PTPRD: variants seen among roughly 807,000 people sequenced by gnomAD.
PTPRD encodes the protein receptor-type tyrosine-protein phosphatase delta.
A neutral mutation model predicts 214.5 loss-of-function variants in PTPRD; 34 were observed. The observed-to-expected ratio is 0.16, with a 90% CI of 0.12 to 0.21. The LOEUF is 0.21. PTPRD is among the 10% of genes least tolerant of loss of function. The pLI, the probability that PTPRD is intolerant of heterozygous loss-of-function variation, is 1.00. For missense variants in PTPRD, 2,545 were observed against 2,398.7 expected, an observed-to-expected ratio of 1.06 and a Z score of -1.27; for synonymous variants, 1,128 against 845.7, an observed-to-expected ratio of 1.33 and a Z score of -5.79.
At chr9:9,332,890 T>G (rs1439071622) in intron 9 of PTPRD, among the ~76,000 whole-genome samples, 1 of 152,030 alleles carries the variant, frequency 6.6e-6, no homozygotes, top group Non-Finnish European at 1.5e-5. Flanking sequence ...CCAGAAAGAA[T>G]GCTAACATTA....
chr9:10,378,879 T>G (rs1035280074), intron 2 of PTPRD, among the ~76,000 whole-genome samples: 2 of 152,012 alleles, frequency 1.3e-5, no homozygotes, highest in African/African-American at 2.4e-5. Flanking sequence ...TAATAGGGAT[T>G]GTATTGAATC....
At chr9:10,131,017 A>G (rs1025298736) in intron 3 of PTPRD, among the ~76,000 whole-genome samples, 2 of 152,176 alleles carry the variant, frequency 1.3e-5, no homozygotes, top group African/African-American at 4.8e-5. Flanking sequence ...GCAAGATAAA[A>G]GAAGTATAAG....
chr9:9,618,939 G>C (rs1018949414), intron 7 of PTPRD, among the ~76,000 whole-genome samples: 3 of 152,052 alleles, frequency 2.0e-5, no homozygotes, highest in Non-Finnish European at 4.4e-5. Context: ...GAGAATAAAT[G>C]TCCCAAGACA....
At chr9:9,124,232 A>G (rs1393476028) in intron 10 of PTPRD, among the ~76,000 whole-genome samples, 2 of 152,172 alleles carry the variant, frequency 1.3e-5, no homozygotes, top group Non-Finnish European at 2.9e-5. Flanking sequence ...TGGGAGAGGT[A>G]TTGGATAGTA....
intron 5 of PTPRD, among the ~76,000 whole-genome samples, chr9:9,843,001 C>G (rs2058695134): frequency 6.6e-6 from 1 of 152,088 alleles, no homozygotes; most frequent in Admixed American, 6.6e-5. Context: ...AGTTAGCAAA[C>G]TATGGCCCTT....
chr9:10,124,545 C>A (rs1291103998), intron 3 of PTPRD, among the ~76,000 whole-genome samples: 1 of 152,116 alleles, frequency 6.6e-6, no homozygotes, highest in Non-Finnish European at 1.5e-5. Context: ...ATCCATAGTT[C>A]TTAGGTCTTA....
intron 3 of PTPRD, among the ~76,000 whole-genome samples, chr9:10,058,116 C>T (rs1384213210): frequency 6.6e-6 from 1 of 152,070 alleles, no homozygotes; most frequent in Non-Finnish European, 1.5e-5. Context: ...GGCTACTCAA[C>T]ACCCTTTCTC....
intron 2 of PTPRD, among the ~76,000 whole-genome samples, chr9:10,342,068 G>C (rs1269785378): frequency 1.3e-5 from 2 of 151,998 alleles, no homozygotes; most frequent in African/African-American, 4.8e-5. Context: ...TAAAGGGATA[G>C]CACTTGATTG....
intron 39 of PTPRD, among the ~76,000 whole-genome samples, chr9:8,371,600 T>C (rs12006278): frequency 0.051 from 7,770 of 152,096 alleles, 518 homozygotes; most frequent in African/African-American, 0.15. Flanking sequence ...GTCATAAATG[T>C]GTGTAAAACA....
intron 3 of PTPRD, among the ~76,000 whole-genome samples, chr9:10,222,944 G>T (rs2099576132): frequency 6.6e-6 from 1 of 152,066 alleles, no homozygotes; most frequent in African/African-American, 2.4e-5. Flanking sequence ...GGCAGTGGTA[G>T]TGGGGTCAGA....
At chr9:8,683,940 T>G (rs1023558724) in intron 12 of PTPRD, among the ~76,000 whole-genome samples, 2 of 151,704 alleles carry the variant, frequency 1.3e-5, no homozygotes, top group African/African-American at 2.4e-5. Context: ...GAAAGGGAGG[T>G]GTCTGAGGAG....
chr9:8,538,071 G>C (rs1051994631), intron 14 of PTPRD, among the ~76,000 whole-genome samples: 1 of 151,704 alleles, frequency 6.6e-6, no homozygotes, highest in African/African-American at 2.4e-5. Flanking sequence ...TAGGCATCAG[G>C]GAAACACATT....
At chr9:9,620,260 G>A (rs373894189) in intron 7 of PTPRD, among the ~76,000 whole-genome samples, 309 of 152,222 alleles carry the variant, frequency 2.0e-3, no homozygotes, top group Non-Finnish European at 3.5e-3. Context: ...GAGCATAAAA[G>A]GATACCGATA....
intron 11 of PTPRD, among the ~76,000 whole-genome samples, chr9:8,994,079 A>G (rs951500402): frequency 1.3e-5 from 2 of 152,142 alleles, no homozygotes; most frequent in Non-Finnish European, 2.9e-5. Flanking sequence ...AAGAATACAT[A>G]AGATTCAGAA....
At chr9:10,574,813 C>CATATATATAT (rs143887636) in intron 2 of PTPRD, among the ~76,000 whole-genome samples, 47 of 136,394 alleles carry the variant, frequency 3.4e-4, no homozygotes, top group African/African-American at 1.0e-3. Flanking sequence ...TATGTGTGTG[C>CATATATATAT]ATATATATAT....
chr9:8,762,170 T>G (rs536345930), intron 11 of PTPRD, among the ~76,000 whole-genome samples: 1 of 152,124 alleles, frequency 6.6e-6, no homozygotes, highest in Non-Finnish European at 1.5e-5. Flanking sequence ...TTAAATATAT[T>G]AGTATAATTC....
intron 11 of PTPRD, among the ~76,000 whole-genome samples, chr9:9,013,040 A>G (rs375585414): frequency 1.4e-4 from 21 of 152,230 alleles, no homozygotes; most frequent in African/African-American, 5.1e-4. Context: ...GAAAGAAAAG[A>G]CGTTAAAGGG....
chr9:9,254,205 G>A (rs1185291043), intron 9 of PTPRD, among the ~76,000 whole-genome samples: 1 of 152,026 alleles, frequency 6.6e-6, no homozygotes, highest in Middle Eastern at 3.2e-3. Flanking sequence ...TGGGGGCGGG[G>A]CGGGGCACCA....
intron 8 of PTPRD, among the ~76,000 whole-genome samples, chr9:9,445,125 G>A (rs1417998986): frequency 6.6e-6 from 1 of 152,114 alleles, no homozygotes; most frequent in Non-Finnish European, 1.5e-5. Flanking sequence ...TTAGTTGATG[G>A]ATCCTCATTG....
Sources: gnomAD v4.1 joint callset for allele counts (sites outside exome capture counted in the v4.1 genomes callset) on GRCh38, gnomAD v4.1.1 for gene constraint, MANE v1.5 for transcripts, NCBI Gene and HGNC (gene_info 2026-07-23, HGNC 2026-07-21) for gene names.